ZZEF1: variants seen among roughly 807,000 people sequenced by gnomAD.
ZZEF1 encodes the protein zinc finger ZZ-type and EF-hand domain containing 1, also known as zinc finger ZZ-type and EF-hand domain-containing protein 1.
A neutral mutation model predicts 342.8 loss-of-function variants in ZZEF1; 157 were observed. That is an observed-to-expected ratio of 0.46 (90% confidence interval 0.40 to 0.52). The LOEUF is 0.52. Ranked by LOEUF, ZZEF1 falls within the 20% of genes least tolerant of loss-of-function variation. The pLI, the probability that ZZEF1 is intolerant of heterozygous loss-of-function variation, is 0.00. For missense variants in ZZEF1, 3,480 were observed against 3,725.6 expected (o/e 0.93, Z 1.72); for synonymous variants, 1,505 against 1,429.1 (o/e 1.05, Z -1.20).
chr17:4,137,980 C>T (rs559757686), intron 1 of ZZEF1, among the ~76,000 whole-genome samples: 5 of 146,644 alleles, frequency 3.4e-5, no homozygotes, highest in African/African-American at 1.3e-4. Flanking sequence ...CAGCACAGGG[C>T]TCATGCGGGG....
intron 31 of ZZEF1, among the ~76,000 whole-genome samples, chr17:4,058,596 T>G (rs2057217956): frequency 6.6e-6 from 1 of 152,180 alleles, no homozygotes; most frequent in Non-Finnish European, 1.5e-5. Flanking sequence ...ATATACTGGC[T>G]GGGCGTGGTG....
chr17:4,096,507 A>G (rs1172267555), intron 10 of ZZEF1, 102 bp downstream of exon 10: 1 of 978,060 alleles, frequency 1.0e-6, no homozygotes, highest in Non-Finnish European at 1.6e-6. Context: ...GCCTGTATCA[A>G]AACACCTCAT....
chr17:4,088,255 AATC>A, intron 13 of ZZEF1, among the ~76,000 whole-genome samples: 1 of 152,308 alleles, frequency 6.6e-6, no homozygotes, highest in South Asian at 2.1e-4. Context: ...GAAATCAAAA[AATC>A]ATTTTTGATT....
intron 46 of ZZEF1, among the ~76,000 whole-genome samples, chr17:4,018,494 A>G (rs755690402): frequency 3.3e-5 from 5 of 152,108 alleles, no homozygotes; most frequent in Non-Finnish European, 2.9e-5. Flanking sequence ...CAGCTCCTGA[A>G]TCAGAATGGG....
In ZZEF1 at chr17:4,057,980, G is replaced by T; in HGVS notation, c.5165+14C>A. The T allele has an allele frequency of 6.2e-7, 1 of 1,612,934 alleles. No individual in the cohort carries two copies. The highest frequency in any genetic ancestry group is 1.1e-5 in the South Asian group (1 of 90,878). ...CTACATTAGGAACTGCAGAGCGCAG[G>T]ACCGTGCTCTTACCTGATCACACTG... On this transcript the variant is annotated intron_variant, in intron 32 of 54. Coordinates refer to ENST00000381638, the MANE Select transcript of ZZEF1 (RefSeq NM_015113.4).
Position 4,113,013 on chromosome 17 carries a change from G to A in ZZEF1, c.867-205C>T, listed in dbSNP as rs999083536. 2.0e-5 allele frequency among the ~76,000 whole-genome samples: 3 copies of A among 152,158 alleles called. No homozygotes were observed. The South Asian group carries it at 6.2e-4, about 32-fold the overall frequency. ...ATTTTTTAAAGACCTTTCAGTTCAA[G>A]ATTAATCTTACGATTCCTTTTAAGC... On this transcript the variant is annotated intron_variant, in intron 4 of 54. Coordinates refer to ENST00000381638, the MANE Select transcript of ZZEF1 (RefSeq NM_015113.4).
Position 4,075,102 on chromosome 17 carries a change from G to A in ZZEF1, c.3478C>T (p.Pro1160Ser). ...YDTKVGTDKWPKKVTFKAGPR... is the reference protein window; with the variant it reads ...YDTKVGTDKWSKKVTFKAGPR... ...TTTCTGGGACTATCACTCACCTTGG[G>A]CCATTTATCAGTGCCAACTTTTGTG... The change falls in exon 23 of 55, where the codon CCC (proline) becomes TCC (serine). Residue 1160 changes from proline to serine, a missense_variant. By Grantham distance (74) the Pro-to-Ser change is moderately conservative. This residue lies in a region of ZZEF1 where 1,528 missense variants were observed against 1,624.1 expected (regional missense o/e 0.94). Transcript: ENST00000381638. The A allele has an allele frequency of 6.2e-7, 1 of 1,614,136 alleles. No homozygotes were observed. The highest frequency in any genetic ancestry group is 8.5e-7 in the Non-Finnish European group (1 of 1,180,004).
chr17:4,064,848 C>CAAA lies in ZZEF1; in HGVS notation c.4250-20_4250-19insTTT. 4.6e-6 allele frequency: 3 copies of CAAA among 657,058 alleles called. No individual in the cohort carries two copies. The highest frequency in any genetic ancestry group is 2.6e-5 in the South Asian group (1 of 38,220). The allele number at this position is 657,058 out of a possible 1,614,324, so 40.7% of individuals were successfully genotyped here. A position where few individuals can be genotyped will look rare whatever the true frequency, so the allele number is the denominator to read the frequency against. On this transcript the variant is annotated intron_variant, in intron 28 of 54. Transcript: ENST00000381638. ...TCTTTTGCTAGATGCAAACAAGAATCATAATTGAAAAAAAAAAAAGTTAAA... is the reference window on the plus strand; with the variant it reads ...TCTTTTGCTAGATGCAAACAAGAATCAAAATAATTGAAAAAAAAAAAAGTTAAA...
At chr17:4,042,250 C>CAT (rs758520273) in intron 39 of ZZEF1, among the ~76,000 whole-genome samples, 179 bp downstream of exon 39, 9 of 151,762 alleles carry the variant, frequency 5.9e-5, no homozygotes, top group Non-Finnish European at 1.2e-4. Context: ...TTGTTTTATA[C>CAT]ACACACACAC....
intron 3 of ZZEF1, among the ~76,000 whole-genome samples, chr17:4,116,304 C>A (rs1490580398): frequency 6.6e-6 from 1 of 152,200 alleles, no homozygotes; most frequent in Admixed American, 6.5e-5. Context: ...AAGAACGAAA[C>A]TCAGTCTCCA....
Position 4,034,284 on chromosome 17 carries a change from C to G in ZZEF1, c.6315G>C (p.Thr2105=), listed in dbSNP as rs138883799. ...AMLPPLKSGP[T]VPLIDLEHVL... ...CGTGCTCCAGGTCTATCAGGGGAAC[C>G]GTGGGGCCCTGCCAAGAGAGGGAGA... The change falls in exon 40 of 55, where the codon ACG becomes ACC. Residue 2105 remains threonine, a synonymous_variant. Coordinates refer to ENST00000381638, the MANE Select transcript of ZZEF1 (RefSeq NM_015113.4). The G allele has an allele frequency of 1.5e-5, 25 of 1,614,002 alleles. No individual in the cohort carries two copies. In the South Asian group the frequency reaches 2.4e-4, roughly 16 times the overall value.
chr17:4,056,053 G>T (rs1395304306), intron 33 of ZZEF1, among the ~76,000 whole-genome samples, 163 bp downstream of exon 33: 1 of 152,194 alleles, frequency 6.6e-6, no homozygotes, highest in Non-Finnish European at 1.5e-5. Flanking sequence ...GCTGCTCACA[G>T]CCTGCATTCG....
intron 1 of ZZEF1, among the ~76,000 whole-genome samples, chr17:4,129,567 G>C (rs796212111): frequency 6.6e-6 from 1 of 152,098 alleles, no homozygotes; most frequent in Non-Finnish European, 1.5e-5. Context: ...GGCTGGGCAC[G>C]GTGGCTGACA....
intron 1 of ZZEF1, among the ~76,000 whole-genome samples, chr17:4,138,715 T>C (rs1419170729): frequency 6.6e-6 from 1 of 152,246 alleles, no homozygotes; most frequent in Non-Finnish European, 1.5e-5. Context: ...GGGCCATCTG[T>C]TATCCTGTAC....
intron 52 of ZZEF1, among the ~76,000 whole-genome samples, chr17:4,011,809 A>C (rs2055965785): frequency 6.6e-6 from 1 of 152,356 alleles, no homozygotes; most frequent in Non-Finnish European, 1.5e-5. Flanking sequence ...TTCATAAAAC[A>C]AACAGGAAAA....
At chr17:4,086,117 T>C (rs1312783842) in intron 15 of ZZEF1, among the ~76,000 whole-genome samples, 1 of 152,192 alleles carries the variant, frequency 6.6e-6, no homozygotes, top group African/African-American at 2.4e-5. Context: ...CTCATCTGAG[T>C]GACTTAGTTG....
intron 12 of ZZEF1, 129 bp from the exon 13 acceptor site, chr17:4,089,022 G>A (rs2057894678): frequency 2.7e-6 from 2 of 732,890 alleles, no homozygotes; most frequent in Non-Finnish European, 2.2e-6. Context: ...ATTATGCTCA[G>A]CACTAGGGAC....
rs1188899489 is a variant in ZZEF1 at position 4,086,633 on chromosome 17, C to A, written c.2365G>T (p.Ala789Ser). The A allele has an allele frequency of 1.9e-6, 3 of 1,613,874 alleles. No individual in the cohort carries two copies. The African/African-American group carries it at 4.0e-5, about 22-fold the overall frequency. The change falls in exon 15 of 55, where the codon GCC becomes TCC. Residue 789 changes from alanine to serine, a missense_variant. Ala to Ser is a moderately conservative substitution (Grantham distance 99). This residue lies in a region of ZZEF1 where 1,528 missense variants were observed against 1,624.1 expected (regional missense o/e 0.94). Transcript: ENST00000381638. ...KQNPREECVS[A>S]QTLLLQLLQS... The stretch of plus-strand genomic sequence containing the variant: ...AGTAGCTGCAGAAGCAGGGTTTGGG[C>A]AGAGACGCATTCTTCCCTCGGGCTA...
At chr17:4,047,536 G>T (rs1392986589) in intron 37 of ZZEF1, among the ~76,000 whole-genome samples, 1 of 152,226 alleles carries the variant, frequency 6.6e-6, no homozygotes, top group African/African-American at 2.4e-5. Flanking sequence ...CCAGTTACTT[G>T]AGAGGCTGAG....
Sources: allele counts gnomAD v4.1 joint callset (sites outside exome capture counted in the v4.1 genomes callset), GRCh38; gene constraint gnomAD v4.1.1; regional missense constraint gnomAD v4.1.1; transcripts MANE v1.5; gene names NCBI Gene and HGNC (gene_info 2026-07-23, HGNC 2026-07-21).